PSORS1C1: variants seen among roughly 807,000 people sequenced by gnomAD.
PSORS1C1 encodes the protein psoriasis susceptibility 1 candidate gene 1 protein.
A neutral mutation model predicts 9.4 loss-of-function variants in PSORS1C1; 7 were observed. The observed-to-expected ratio is 0.75, with a 90% CI of 0.42 to 1.40. The LOEUF is 1.40. PSORS1C1 is among the 40% of genes most tolerant of loss of function. The pLI is 0.01. For missense variants in PSORS1C1, 146 were observed against 178.1 expected (o/e 0.82, Z 1.02); for synonymous variants, 63 against 69.4 (o/e 0.91, Z 0.46).
chr6:31,129,962 T>G (rs1477125310), intron 3 of PSORS1C1, among the ~76,000 whole-genome samples: 1 of 152,160 alleles, frequency 6.6e-6, no homozygotes, highest in Non-Finnish European at 1.5e-5. Context: ...TGGTGGCACA[T>G]GCCTGTGGTC....
chr6:31,127,226 G>C (rs6931921), intron 2 of PSORS1C1, among the ~76,000 whole-genome samples: 18,038 of 152,034 alleles, frequency 0.12, 1,123 homozygotes, highest in Middle Eastern at 0.21. Context: ...CCCTTGGAGC[G>C]CCTAGGAATG....
chr6:31,116,698 T>C (rs778356067), intron 1 of PSORS1C1: 1 of 1,612,610 alleles, frequency 6.2e-7, no homozygotes, highest in African/African-American at 1.3e-5. Flanking sequence ...TGGAACCAGA[T>C]AACTGTCAGA....
Position 31,140,085 on chromosome 6 carries a change from T to C in PSORS1C1, c.*153T>C. ...CTACCCCACAGTAAGGAACACCTTA[T>C]TATGCAATGGCGTGATCTCATCTGT... is the stretch of plus-strand genomic sequence containing the variant. On this transcript the variant is annotated 3_prime_UTR_variant, in exon 6 of 6. Transcript: ENST00000259881. The surrounding 1 kb of genome is among the most constrained non-coding windows in gnomAD (Gnocchi z 4.6). 1.4e-6 allele frequency: 1 copy of C among 710,792 alleles called. No individual in the cohort carries two copies. The highest frequency in any genetic ancestry group is 2.5e-5 in the Admixed American group (1 of 39,848). 44.0% of individuals were successfully genotyped at this position (710,792 alleles called of 1,614,324 possible).
chr6:31,119,080 G>A (rs1188921672), intron 1 of PSORS1C1, among the ~76,000 whole-genome samples: 1 of 151,916 alleles, frequency 6.6e-6, no homozygotes, highest in Admixed American at 6.6e-5. Context: ...CTAACCTCAG[G>A]CGATTCACCT....
At chr6:31,121,612 G>A (rs2239522) in intron 1 of PSORS1C1, among the ~76,000 whole-genome samples, 61,759 of 148,780 alleles carry the variant, frequency 0.42, 13,357 homozygotes, top group African/African-American at 0.58. Context: ...AGGTGCCTGG[G>A]AGTCCAGCAA....
chr6:31,125,998 C>T lies in PSORS1C1; in HGVS notation c.-65+159C>T, dbSNP rs371688819. ...GGTTTCCTGCCCTGTGCCCACCCCC[C>T]ACCCCCTGCAAGCACAGCTCTTATG... is the stretch of plus-strand genomic sequence containing the variant. On this transcript the variant is annotated intron_variant, in intron 2 of 5. Coordinates refer to ENST00000259881, the MANE Select transcript of PSORS1C1 (RefSeq NM_014068.3). Among the ~76,000 whole-genome samples the T allele has an allele frequency of 6.3e-4, 95 of 151,910 alleles. No homozygotes were observed. The East Asian group carries it at 8.1e-3, about 13-fold the overall frequency.
chr6:31,119,829 C>T (rs1002838264), intron 1 of PSORS1C1, among the ~76,000 whole-genome samples: 1 of 152,146 alleles, frequency 6.6e-6, no homozygotes, highest in African/African-American at 2.4e-5. Flanking sequence ...TCGCTTGAAC[C>T]TGAGAGGTGG....
chr6:31,116,093 G>A (rs753114787), intron 1 of PSORS1C1: 2 of 1,612,042 alleles, frequency 1.2e-6, no homozygotes, highest in Non-Finnish European at 1.7e-6. Flanking sequence ...GGCCCCAGAG[G>A]CTTCACTTGG....
Position 31,139,544 on chromosome 6 carries a change from C to T in PSORS1C1, c.168-97C>T, listed in dbSNP as rs573034372. The T allele has an allele frequency of 1.1e-5, 14 of 1,241,708 alleles. No homozygotes were observed. Among genetic ancestry groups the T allele is most frequent in the Admixed American group, 8.1e-5 (4 of 49,530 alleles). The allele number at this position is 1,241,708 out of a possible 1,614,324, so 76.9% of individuals were successfully genotyped here. A position where few individuals can be genotyped will look rare whatever the true frequency, so the allele number is the denominator to read the frequency against. ...CTACCCCAGCCTCCCCACTCACCCCCGCACTGAAAGCTCCCCCTGGGGCTT... is the reference window on the plus strand; with the variant it reads ...CTACCCCAGCCTCCCCACTCACCCCTGCACTGAAAGCTCCCCCTGGGGCTT... On this transcript the variant is annotated intron_variant, in intron 5 of 5. Transcript: ENST00000259881. The surrounding 1 kb of genome is among the most constrained non-coding windows in gnomAD (Gnocchi z 5.2).
intron 2 of PSORS1C1, among the ~76,000 whole-genome samples, chr6:31,126,434 G>A (rs1043101647): frequency 1.6e-4 from 24 of 152,280 alleles, no homozygotes; most frequent in African/African-American, 5.8e-4. Flanking sequence ...GAGAAGCCCT[G>A]TCCTGGGGCC....
At chr6:31,123,963 G>A (rs1004570612) in intron 1 of PSORS1C1, among the ~76,000 whole-genome samples, 4 of 152,204 alleles carry the variant, frequency 2.6e-5, no homozygotes, top group Admixed American at 2.6e-4. Flanking sequence ...CACAGAGCAG[G>A]CAGCCAGACG....
intron 3 of PSORS1C1, chr6:31,138,196 C>A: frequency 6.3e-7 from 1 of 1,577,166 alleles, no homozygotes; most frequent in Non-Finnish European, 8.6e-7. Flanking sequence ...GGGGGTGCCC[C>A]TGGCCAAGGG....
At chr6:31,122,550 C>T (rs981349251) in intron 1 of PSORS1C1, among the ~76,000 whole-genome samples, 1 of 152,120 alleles carries the variant, frequency 6.6e-6, no homozygotes, top group African/African-American at 2.4e-5. Flanking sequence ...CCGATGCGGG[C>T]GGATCACTTG....
intron 5 of PSORS1C1, chr6:31,138,993 C>G (rs143702701): frequency 6.2e-7 from 1 of 1,614,116 alleles, no homozygotes; most frequent in Non-Finnish European, 8.5e-7. Context: ...AGGCAAAGGA[C>G]CAGGATCCCC....
Position 31,115,742 on chromosome 6 carries a change from G to C in PSORS1C1, c.-229+851G>C. 1 of 510,540 alleles carries C rather than the reference G, an allele frequency of 2.0e-6. No homozygotes were observed. Among genetic ancestry groups the C allele is most frequent in the Non-Finnish European group, 3.5e-6 (1 of 287,988 alleles). 31.6% of individuals were successfully genotyped at this position (510,540 alleles called of 1,614,324 possible). A position where few individuals can be genotyped will look rare whatever the true frequency, so the allele number is the denominator to read the frequency against. On this transcript the variant is annotated intron_variant, in intron 1 of 5. Coordinates refer to ENST00000259881, the MANE Select transcript of PSORS1C1 (RefSeq NM_014068.3). The surrounding 1 kb of genome is among the most constrained non-coding windows in gnomAD (Gnocchi z 4.2). ...TTCCACACAGTAGAGGGAATTGTAA[G>C]GGGTGGTGATCTGGCTGAGGGGCAC... is the stretch of plus-strand genomic sequence containing the variant.
rs3909109 is a variant in PSORS1C1 at position 31,128,590 on chromosome 6, A to G, written c.-64-979A>G. 0.24 allele frequency among the ~76,000 whole-genome samples: 36,330 copies of G among 152,028 alleles called. 4,683 individuals are homozygous for G. Among genetic ancestry groups the G allele is most frequent in the Middle Eastern group, 0.36 (106 of 294 alleles). ...TACTGCCTCTGAGGATATTAGGGGG[A>G]AAAACCCACAGGAGGTGCATTTGGC... On this transcript the variant is annotated intron_variant, in intron 2 of 5. Transcript: ENST00000259881. The surrounding 1 kb of genome is among the most constrained non-coding windows in gnomAD (Gnocchi z 4.3).
At chr6:31,134,457 C>T (rs1773055107) in intron 3 of PSORS1C1, among the ~76,000 whole-genome samples, 1 of 152,084 alleles carries the variant, frequency 6.6e-6, no homozygotes, top group Admixed American at 6.6e-5. Context: ...CGCCGGCCAC[C>T]ATGCCCGGCT....
intron 1 of PSORS1C1, among the ~76,000 whole-genome samples, chr6:31,122,301 T>G (rs6913137): frequency 0.13 from 20,160 of 152,250 alleles, 1,448 homozygotes; most frequent in Middle Eastern, 0.22. Context: ...AATGGAGCCC[T>G]GCAGGTGCTC....
chr6:31,138,253 C>T, intron 3 of PSORS1C1, 177 bp from the exon 4 acceptor site: 1 of 1,567,886 alleles, frequency 6.4e-7, no homozygotes, highest in Non-Finnish European at 8.6e-7. Context: ...GAGCCTGCCT[C>T]CTCTCGGTCC....
Sources: allele counts gnomAD v4.1 joint callset (sites outside exome capture counted in the v4.1 genomes callset), GRCh38; gene constraint gnomAD v4.1.1; non-coding constraint Gnocchi (gnomAD v3.1); transcripts MANE v1.5; gene names NCBI Gene and HGNC (gene_info 2026-07-23, HGNC 2026-07-21).